The following COPG2 variants were observed in gnomAD, a reference collection of about 807,000 sequenced individuals.
COPG2 encodes the protein coat protein complex I subunit gamma 2, also known as coatomer subunit gamma-2.
A neutral mutation model predicts 46.3 loss-of-function variants in COPG2; 37 were observed. The ratio of observed to expected loss-of-function variants is 0.80; its 90% CI spans 0.61 to 1.05. The LOEUF (loss-of-function observed/expected upper bound fraction) is 1.05. Ranked by LOEUF, COPG2 falls within the 50% of genes least tolerant of loss-of-function variation. The pLI, the probability that COPG2 is intolerant of heterozygous loss-of-function variation, is 0.00. For missense variants in COPG2, 427 were observed against 387.8 expected (o/e 1.10, Z -0.85); for synonymous variants, 159 against 129.7 (o/e 1.23, Z -1.53).
intron 20 of COPG2, among the ~76,000 whole-genome samples, chr7:130,523,389 C>T (rs997861305): frequency 6.6e-6 from 1 of 152,096 alleles, no homozygotes; most frequent in Non-Finnish European, 1.5e-5. Flanking sequence ...AAGAAGAAAC[C>T]GAGCCCAAAA....
intron 20 of COPG2, among the ~76,000 whole-genome samples, chr7:130,529,038 G>A (rs1255523234): frequency 5.3e-5 from 8 of 152,154 alleles, no homozygotes; most frequent in Admixed American, 5.2e-4. Context: ...GTCAATGAAG[G>A]GCATGGGAAC....
At position 130,506,419 on chromosome 7, in the gene COPG2, G is replaced by GTATT; in HGVS notation, c.*253_*256dup. 5.5e-6 allele frequency: 1 copy of GTATT among 183,370 alleles called. No individual in the cohort carries two copies. Among genetic ancestry groups the GTATT allele is most frequent in the Non-Finnish European group, 1.1e-5 (1 of 94,722 alleles). 11.4% of individuals were successfully genotyped at this position (183,370 alleles called of 1,614,324 possible). ...AGTTAAGCAGCTGGAGTATAGGATA[G>GTATT]TATTTGATTTTCAAGATCACCCAAA... On this transcript the variant is annotated 3_prime_UTR_variant, in exon 24 of 24. Coordinates refer to ENST00000425248, the MANE Select transcript of COPG2 (RefSeq NM_012133.6).
chr7:130,626,555 T>C (rs1389543496), intron 5 of COPG2, among the ~76,000 whole-genome samples: 3 of 152,062 alleles, frequency 2.0e-5, no homozygotes, highest in Non-Finnish European at 4.4e-5. Flanking sequence ...GGCTAATGAA[T>C]ACTCTTAGTC....
intron 9 of COPG2, among the ~76,000 whole-genome samples, chr7:130,604,015 A>G (rs920826981): frequency 9.2e-5 from 14 of 152,228 alleles, no homozygotes; most frequent in Non-Finnish European, 1.8e-4. Flanking sequence ...CATAAGGAAG[A>G]GAAGATATAA....
chr7:130,646,399 T>C (rs138355470), intron 5 of COPG2, among the ~76,000 whole-genome samples: 3 of 152,318 alleles, frequency 2.0e-5, no homozygotes, highest in African/African-American at 7.2e-5. Flanking sequence ...ACATCGATAA[T>C]TTCACCATTC....
chr7:130,526,993 TCTTA>T (rs1367628495), intron 20 of COPG2, among the ~76,000 whole-genome samples: 1 of 151,148 alleles, frequency 6.6e-6, no homozygotes, highest in Non-Finnish European at 1.5e-5. Context: ...TGAAAAACCA[TCTTA>T]CTTAATTGAG....
chr7:130,591,033 C>T (rs1794397842), intron 9 of COPG2, among the ~76,000 whole-genome samples: 1 of 151,270 alleles, frequency 6.6e-6, no homozygotes, highest in East Asian at 2.0e-4. Flanking sequence ...CCACCCCCTC[C>T]AGGAGGGAGG....
Position 130,506,499 on chromosome 7 carries a change from AAC to A in COPG2, c.*175_*176del, listed in dbSNP as rs1554440017. 44 of 445,742 alleles carry A rather than the reference AAC, an allele frequency of 9.9e-5. No individual in the cohort carries two copies. Among genetic ancestry groups the A allele is most frequent in the Non-Finnish European group, 1.3e-4 (33 of 250,780 alleles). 27.6% of individuals were successfully genotyped at this position (445,742 alleles called of 1,614,324 possible). A position where few individuals can be genotyped will look rare whatever the true frequency, so the allele number is the denominator to read the frequency against. On this transcript the variant is annotated 3_prime_UTR_variant, in exon 24 of 24. Transcript: ENST00000425248. ...TAGAATAAAAAGAAAAAAAAAAAAAAACAACCCATGCGCAAAGATAGACATTT... is the reference window on the plus strand; with the variant it reads ...TAGAATAAAAAGAAAAAAAAAAAAAAAACCCATGCGCAAAGATAGACATTT...
chr7:130,640,812 C>CA (rs1554457102), intron 5 of COPG2, among the ~76,000 whole-genome samples: 1 of 152,156 alleles, frequency 6.6e-6, no homozygotes, highest in Non-Finnish European at 1.5e-5. Flanking sequence ...AATAATCCTT[C>CA]TGATTCCAAC....
At chr7:130,639,861 G>C (rs577802565) in intron 5 of COPG2, among the ~76,000 whole-genome samples, 2 of 152,256 alleles carry the variant, frequency 1.3e-5, no homozygotes, top group East Asian at 3.9e-4. Context: ...TCTCTCAAGA[G>C]TTTCAGCTCC....
intron 9 of COPG2, among the ~76,000 whole-genome samples, chr7:130,591,507 C>T (rs1262214936): frequency 1.3e-5 from 1 of 77,650 alleles, no homozygotes; most frequent in Non-Finnish European, 2.7e-5. Context: ...CCAGCCGCCC[C>T]ATCCGGGAGG....
intron 5 of COPG2, among the ~76,000 whole-genome samples, chr7:130,618,028 G>A (rs981005559): frequency 6.9e-6 from 1 of 145,510 alleles, no homozygotes; most frequent in African/African-American, 2.6e-5. Context: ...TTGAACCCAG[G>A]AGGCAGAGGT....
chr7:130,535,767 T>C (rs1799874083), intron 20 of COPG2, among the ~76,000 whole-genome samples: 1 of 151,374 alleles, frequency 6.6e-6, no homozygotes, highest in African/African-American at 2.4e-5. Flanking sequence ...GCTGTAGGCA[T>C]TGAGAACACC....
intron 20 of COPG2, 72 bp from the exon 21 acceptor site, chr7:130,508,731 C>T (rs59497416): frequency 6.4e-6 from 1 of 155,122 alleles, no homozygotes; most frequent in Non-Finnish European, 1.2e-5. Context: ...TCCATCTGTA[C>T]TCAGCACTGT....
At chr7:130,650,028 A>G (rs557152421) in intron 5 of COPG2, among the ~76,000 whole-genome samples, 9 of 152,282 alleles carry the variant, frequency 5.9e-5, no homozygotes, top group Admixed American at 4.6e-4. Flanking sequence ...GGAGGCTAGA[A>G]GGGTGAATCC....
At position 130,550,867 on chromosome 7, in the gene COPG2, TAC is replaced by T. The variant is rs1793527272; in HGVS notation, c.1649-220_1649-219del. 2.0e-5 allele frequency among the ~76,000 whole-genome samples: 3 copies of T among 152,198 alleles called. No individual in the cohort carries two copies. In the South Asian group the frequency reaches 6.2e-4, roughly 32 times the overall value. Reference sequence around the variant, plus strand: ...TTCAAGGAAACATGGGAGCATAGCATACACATTTTCAACAAAATGTATGTACC... The same window carrying T: ...TTCAAGGAAACATGGGAGCATAGCATACATTTTCAACAAAATGTATGTACC... On this transcript the variant is annotated intron_variant, in intron 16 of 23. Transcript: ENST00000425248.
intron 12 of COPG2, among the ~76,000 whole-genome samples, chr7:130,556,534 G>A (rs1456102246): frequency 1.3e-5 from 2 of 152,140 alleles, no homozygotes; most frequent in African/African-American, 2.4e-5. Flanking sequence ...TCTCCATAAT[G>A]TTTGTATGAA....
At chr7:130,556,155 C>T (rs935218882) in intron 12 of COPG2, among the ~76,000 whole-genome samples, 11 of 152,290 alleles carry the variant, frequency 7.2e-5, no homozygotes, top group Admixed American at 1.3e-4. Flanking sequence ...GAACATTTTA[C>T]AGTGGGGAGT....
At chr7:130,551,022 G>A (rs928957136) in intron 16 of COPG2, among the ~76,000 whole-genome samples, 22 of 152,252 alleles carry the variant, frequency 1.4e-4, no homozygotes, top group Admixed American at 4.6e-4. Flanking sequence ...CCTAAAAAAT[G>A]TAAGGGCCCA....
Sources: gnomAD v4.1 joint callset for allele counts (sites outside exome capture counted in the v4.1 genomes callset) on GRCh38, gnomAD v4.1.1 for gene constraint, MANE v1.5 for transcripts, NCBI Gene and HGNC (gene_info 2026-07-23, HGNC 2026-07-21) for gene names.